Variants in ZNF804B observed in about 807,000 individuals in gnomAD.
ZNF804B encodes zinc finger protein 804B, also known as zinc finger 804B.
In ZNF804B, 80 loss-of-function variants were observed where a neutral mutation model predicts 101.4. The observed-to-expected ratio is 0.79, with a 90% CI of 0.66 to 0.95. The LOEUF is 0.95. Among genes scored for constraint, ZNF804B ranks in the 40% least tolerant of loss-of-function variants. The probability of loss-of-function intolerance (pLI) is 0.00; values close to 1 mark genes in which losing one functional copy is unlikely to be tolerated. For synonymous variants in ZNF804B, 622 were observed against 558.8 expected, an observed-to-expected ratio of 1.11 and a Z score of -1.59; for missense variants, 1,673 against 1,561.9, an observed-to-expected ratio of 1.07 and a Z score of -1.20.
intron 1 of ZNF804B, among the ~76,000 whole-genome samples, chr7:89,098,175 C>G (rs1029553541): frequency 1.3e-5 from 2 of 152,044 alleles, no homozygotes; most frequent in African/African-American, 4.8e-5. Context: ...GAAAAAGAGC[C>G]TGGATTCAAA....
At chr7:89,165,196 T>C (rs1016161292) in intron 1 of ZNF804B, among the ~76,000 whole-genome samples, 3 of 152,242 alleles carry the variant, frequency 2.0e-5, no homozygotes, top group Admixed American at 2.0e-4. Context: ...AGTGCTTTTC[T>C]GCCATTCTTA....
chr7:89,069,316 A>T (rs1789500201), intron 1 of ZNF804B, among the ~76,000 whole-genome samples: 1 of 152,290 alleles, frequency 6.6e-6, no homozygotes, highest in South Asian at 2.1e-4. Flanking sequence ...ACAGAAGGAA[A>T]ACTCATGTAC....
At chr7:89,288,776 T>C (rs775131275) in intron 2 of ZNF804B, among the ~76,000 whole-genome samples, 1 of 152,228 alleles carries the variant, frequency 6.6e-6, no homozygotes, top group Non-Finnish European at 1.5e-5. Context: ...AGGTTAATTA[T>C]GGCATGTAGA....
At chr7:88,999,496 A>G (rs1488571117) in intron 1 of ZNF804B, among the ~76,000 whole-genome samples, 2 of 151,974 alleles carry the variant, frequency 1.3e-5, no homozygotes, top group Non-Finnish European at 2.9e-5. Flanking sequence ...TTCATTAAAC[A>G]CTTTGTAGTC....
intron 1 of ZNF804B, among the ~76,000 whole-genome samples, chr7:88,837,873 CACT>C (rs1791237974): frequency 6.6e-6 from 1 of 151,772 alleles, no homozygotes; most frequent in Admixed American, 6.6e-5. Flanking sequence ...AAAATACCAC[CACT>C]AATCTCCCCA....
At chr7:89,023,247 A>T (rs974870142) in intron 1 of ZNF804B, among the ~76,000 whole-genome samples, 19 of 152,146 alleles carry the variant, frequency 1.2e-4, no homozygotes, top group African/African-American at 4.6e-4. Flanking sequence ...TATAGTGCTG[A>T]CTTTTTCACC....
intron 1 of ZNF804B, among the ~76,000 whole-genome samples, chr7:88,770,749 T>C (rs548698988): frequency 1.3e-5 from 2 of 152,322 alleles, no homozygotes; most frequent in African/African-American, 4.8e-5. Context: ...GTATGCCTTT[T>C]TGAAGCAAGA....
intron 1 of ZNF804B, among the ~76,000 whole-genome samples, chr7:89,082,217 C>T (rs1789707614): frequency 6.6e-6 from 1 of 151,530 alleles, no homozygotes; most frequent in Non-Finnish European, 1.5e-5. Flanking sequence ...AATGACAACT[C>T]AACAGCCATC....
chr7:89,080,075 G>A (rs1228881745), intron 1 of ZNF804B, among the ~76,000 whole-genome samples: 1 of 151,668 alleles, frequency 6.6e-6, no homozygotes, highest in Non-Finnish European at 1.5e-5. Context: ...AGTGAAGGTA[G>A]GCTAGTCCTG....
At chr7:88,997,810 T>C (rs1037819698) in intron 1 of ZNF804B, among the ~76,000 whole-genome samples, 2 of 152,118 alleles carry the variant, frequency 1.3e-5, no homozygotes, top group Admixed American at 1.3e-4. Flanking sequence ...CACTCAAAAT[T>C]TGGCCCATCT....
chr7:88,925,394 A>G (rs1247544383), intron 1 of ZNF804B, among the ~76,000 whole-genome samples: 1 of 152,174 alleles, frequency 6.6e-6, no homozygotes, highest in African/African-American at 2.4e-5. Flanking sequence ...AAGATCTCTA[A>G]ATAGGCGACT....
intron 2 of ZNF804B, among the ~76,000 whole-genome samples, chr7:89,287,901 C>CA (rs1020179523): frequency 6.7e-6 from 1 of 149,250 alleles, no homozygotes; most frequent in Admixed American, 6.7e-5. Flanking sequence ...TCAACAGCAT[C>CA]AAAGTATTTC....
chr7:88,785,453 A>C (rs565066945), intron 1 of ZNF804B, among the ~76,000 whole-genome samples: 59 of 152,274 alleles, frequency 3.9e-4, no homozygotes, highest in African/African-American at 1.3e-3. Context: ...GTATCTATAC[A>C]GTCTCGTTAC....
At chr7:89,277,383 T>C (rs1447099348) in intron 2 of ZNF804B, among the ~76,000 whole-genome samples, 1 of 148,618 alleles carries the variant, frequency 6.7e-6, no homozygotes, top group African/African-American at 2.5e-5. Flanking sequence ...AATGTGCAGG[T>C]TAGTTACATA....
intron 1 of ZNF804B, among the ~76,000 whole-genome samples, chr7:88,837,956 T>G (rs1419371266): frequency 5.3e-5 from 8 of 151,774 alleles, no homozygotes; most frequent in Non-Finnish European, 1.0e-4. Context: ...ATACATGTAT[T>G]ATTGTTTTAA....
At chr7:89,157,658 A>G (rs999466942) in intron 1 of ZNF804B, among the ~76,000 whole-genome samples, 1 of 152,136 alleles carries the variant, frequency 6.6e-6, no homozygotes, top group Non-Finnish European at 1.5e-5. Flanking sequence ...GAATTTTATT[A>G]TAGAGTTATT....
chr7:88,899,847 G>A (rs1365904901), intron 1 of ZNF804B, among the ~76,000 whole-genome samples: 1 of 152,002 alleles, frequency 6.6e-6, no homozygotes, highest in Non-Finnish European at 1.5e-5. Flanking sequence ...CTACTTTTAA[G>A]ACGGAAAAGA....
At chr7:89,214,744 A>T (rs1788863294) in intron 1 of ZNF804B, among the ~76,000 whole-genome samples, 1 of 152,174 alleles carries the variant, frequency 6.6e-6, no homozygotes, top group Non-Finnish European at 1.5e-5. Context: ...TTTACATGTA[A>T]TTCTTTCCCA....
chr7:88,987,344 A>T (rs998735913), intron 1 of ZNF804B, among the ~76,000 whole-genome samples: 1 of 152,130 alleles, frequency 6.6e-6, no homozygotes, highest in African/African-American at 2.4e-5. Context: ...TTGTCTCCAG[A>T]TGGGTTAAAA....
Sources: allele counts gnomAD v4.1 joint callset (sites outside exome capture counted in the v4.1 genomes callset), GRCh38; gene constraint gnomAD v4.1.1; transcripts MANE v1.5; gene names NCBI Gene and HGNC (gene_info 2026-07-23, HGNC 2026-07-21).